Variants in MTMR7 observed in about 807,000 individuals in gnomAD.
The protein encoded by MTMR7 is myotubularin related protein 7, also known as phosphatidylinositol-3-phosphate phosphatase MTMR7.
MTMR7 carries 76 observed loss-of-function variants against 81.2 expected under a neutral mutation model. That is an observed-to-expected ratio of 0.94 (90% CI 0.78 to 1.13). MTMR7 has a LOEUF of 1.13. Among genes scored for constraint, MTMR7 ranks in the 50% most tolerant of loss-of-function variants. The pLI, the probability that MTMR7 is intolerant of heterozygous loss-of-function variation, is 0.00. For synonymous variants in MTMR7, 372 were observed against 289.8 expected (o/e 1.28, Z -2.88); for missense variants, 1,044 against 820.0 (o/e 1.27, Z -3.34).
chr8:17,341,389 C>G lies in MTMR7; in HGVS notation c.706G>C (p.Val236Leu), dbSNP rs200168815. The G allele has an allele frequency of 6.2e-7, 1 of 1,614,186 alleles. No homozygotes were observed. The highest frequency in any genetic ancestry group is 1.3e-5 in the African/African-American group (1 of 75,068). Residue 236 changes from valine (V) to leucine (L), a missense_variant, in exon 6 of 14, where the codon GTT becomes CTT. Physicochemically the swap from Val to Leu is conservative, Grantham distance 32. Coordinates refer to ENST00000180173, the MANE Select transcript of MTMR7 (RefSeq NM_004686.5). ...IRKANPGSDF[V>L]YVVDTRPKLN... ...TTAGGCCGGGTGTCAACGACATAAA[C>G]GAAGTCACTTCCTGGATTGGCTTTC...
chr8:17,405,727 C>G (rs1163988527), intron 1 of MTMR7, among the ~76,000 whole-genome samples: 1 of 151,774 alleles, frequency 6.6e-6, no homozygotes, highest in Non-Finnish European at 1.5e-5. Flanking sequence ...TGGTCATCAT[C>G]ATAATGTGGA....
chr8:17,410,170 G>C (rs1414207217), intron 1 of MTMR7, among the ~76,000 whole-genome samples: 1 of 152,172 alleles, frequency 6.6e-6, no homozygotes, highest in African/African-American at 2.4e-5. Context: ...AGACCAGTCA[G>C]GGTCAGACTA....
chr8:17,408,546 T>G (rs924815916), intron 1 of MTMR7, among the ~76,000 whole-genome samples: 9 of 152,134 alleles, frequency 5.9e-5, no homozygotes, highest in Non-Finnish European at 7.3e-5. Context: ...AACTACTGAA[T>G]CTGCTATTAG....
At chr8:17,370,437 T>C (rs1027046346) in intron 3 of MTMR7, among the ~76,000 whole-genome samples, 1 of 150,918 alleles carries the variant, frequency 6.6e-6, no homozygotes, top group Non-Finnish European at 1.5e-5. Flanking sequence ...TGAGAATCGC[T>C]TGAACCCAGG....
intron 8 of MTMR7, among the ~76,000 whole-genome samples, chr8:17,312,574 C>CAAAAA (rs10617081): frequency 8.0e-5 from 7 of 87,252 alleles, no homozygotes; most frequent in African/African-American, 3.3e-4. Flanking sequence ...GACTCCCTCT[C>CAAAAA]AAAAAAAAAA....
intron 1 of MTMR7, among the ~76,000 whole-genome samples, chr8:17,399,284 T>A (rs1016189649): frequency 3.3e-5 from 5 of 152,166 alleles, no homozygotes; most frequent in African/African-American, 1.2e-4. Flanking sequence ...TTCTGTCAAG[T>A]TGCAAGATAC....
intron 7 of MTMR7, among the ~76,000 whole-genome samples, chr8:17,320,484 G>T (rs771511192): frequency 1.3e-5 from 2 of 152,116 alleles, no homozygotes; most frequent in Non-Finnish European, 2.9e-5. Flanking sequence ...GGCCCCAGGA[G>T]CATTCTGAGA....
intron 7 of MTMR7, among the ~76,000 whole-genome samples, chr8:17,314,297 T>C (rs1011991080): frequency 6.6e-6 from 1 of 152,168 alleles, no homozygotes; most frequent in Non-Finnish European, 1.5e-5. Flanking sequence ...ATTTTATTGT[T>C]CTCTGTGATG....
chr8:17,406,577 A>G (rs1020873679), intron 1 of MTMR7, among the ~76,000 whole-genome samples: 1 of 152,190 alleles, frequency 6.6e-6, no homozygotes, highest in Admixed American at 6.5e-5. Context: ...ACAATTTGGC[A>G]GTGCCTTAAA....
At chr8:17,408,249 C>T (rs1242366587) in intron 1 of MTMR7, among the ~76,000 whole-genome samples, 4 of 115,666 alleles carry the variant, frequency 3.5e-5, no homozygotes, top group East Asian at 5.2e-4. Context: ...ATTAGCCGGG[C>T]GTAGTGGCGG....
intron 12 of MTMR7, among the ~76,000 whole-genome samples, chr8:17,303,118 G>C (rs1281081771): frequency 6.6e-6 from 1 of 152,190 alleles, no homozygotes; most frequent in East Asian, 1.9e-4. Flanking sequence ...ATGTAGATAA[G>C]TAAGTACTTT....
intron 1 of MTMR7, among the ~76,000 whole-genome samples, chr8:17,381,569 C>T (rs986791062): frequency 2.6e-5 from 4 of 152,092 alleles, no homozygotes; most frequent in Admixed American, 1.3e-4. Flanking sequence ...AGTGCAGGGC[C>T]GGGGTGCCAG....
At chr8:17,326,565 C>G (rs1818690577) in intron 7 of MTMR7, 1 of 152,174 alleles carries the variant, frequency 6.6e-6, no homozygotes, top group Non-Finnish European at 1.5e-5. Context: ...TAACGTGATA[C>G]TGGAAAGGAT....
intron 5 of MTMR7, among the ~76,000 whole-genome samples, chr8:17,342,341 C>T (rs1303404356): frequency 6.6e-6 from 1 of 152,194 alleles, no homozygotes; most frequent in African/African-American, 2.4e-5. Context: ...AAAGCATCTA[C>T]ATTGAGACTG....
rs567253281 is a variant in MTMR7 at position 17,328,006 on chromosome 8, T to G, written c.865+3144A>C. On this transcript the variant is annotated intron_variant, in intron 7 of 13. Transcript: ENST00000180173. ...GTGTGGCAAAGAGCAGTTGCTCAAT[T>G]TTTAGTTTAATGAATACATTGATGA... Among the ~76,000 whole-genome samples the G allele has an allele frequency of 1.6e-4, 25 of 152,350 alleles. No individual in the cohort carries two copies. The East Asian group carries it at 4.8e-3, about 29-fold the overall frequency.
At chr8:17,368,414 A>G (rs1330889194) in intron 3 of MTMR7, among the ~76,000 whole-genome samples, 1 of 152,242 alleles carries the variant, frequency 6.6e-6, no homozygotes, top group Non-Finnish European at 1.5e-5. Flanking sequence ...GTGACTAACC[A>G]GAATATCGAG....
chr8:17,366,694 A>G (rs7462231), intron 3 of MTMR7, among the ~76,000 whole-genome samples: 73,015 of 151,538 alleles, frequency 0.48, 20,961 homozygotes, highest in African/African-American at 0.79. Flanking sequence ...AGACCATCCT[A>G]GTGAACACGG....
chr8:17,318,831 G>A (rs1462024626), intron 7 of MTMR7, among the ~76,000 whole-genome samples: 1 of 152,162 alleles, frequency 6.6e-6, no homozygotes, highest in Admixed American at 6.5e-5. Context: ...GCCTCCACAG[G>A]CATCCTCTCC....
intron 4 of MTMR7, among the ~76,000 whole-genome samples, chr8:17,353,080 G>T (rs1279607368): frequency 6.6e-6 from 1 of 151,986 alleles, no homozygotes; most frequent in Non-Finnish European, 1.5e-5. Flanking sequence ...AGCAAAATGT[G>T]GTATATCATT....
Sources: allele counts gnomAD v4.1 joint callset (sites outside exome capture counted in the v4.1 genomes callset), GRCh38; gene constraint gnomAD v4.1.1; transcripts MANE v1.5; gene names NCBI Gene and HGNC (gene_info 2026-07-23, HGNC 2026-07-21).